Variants in DPP6 observed in about 807,000 individuals in gnomAD.
DPP6 encodes dipeptidyl peptidase like 6, also known as A-type potassium channel modulatory protein DPP6.
In DPP6, 69 loss-of-function variants were observed where a neutral mutation model predicts 122.6. That is an observed-to-expected ratio of 0.56 (90% CI 0.46 to 0.69). The LOEUF (loss-of-function observed/expected upper bound fraction) is 0.69, where lower values mean the gene tolerates loss of function less well. DPP6 is among the 30% of genes least tolerant of loss of function. The pLI is 0.00. For synonymous variants in DPP6, 418 were observed against 433.1 expected (o/e 0.97, Z 0.43); for missense variants, 928 against 1,116.9 (o/e 0.83, Z 2.41).
chr7:154,810,594 CATAGTTG>C (rs1389318133), intron 16 of DPP6, among the ~76,000 whole-genome samples: 1 of 152,130 alleles, frequency 6.6e-6, no homozygotes, highest in Non-Finnish European at 1.5e-5. Context: ...GAGATGACTC[CATAGTTG>C]ATACCTGGGA....
rs1305739086 is a variant in DPP6 at position 154,600,703 on chromosome 7, T to A, written c.627+33787T>A. On this transcript the variant is annotated intron_variant, in intron 5 of 25. Coordinates refer to ENST00000377770, the MANE Select transcript of DPP6 (RefSeq NM_130797.4). The stretch of plus-strand genomic sequence containing the variant: ...CTCAGATCTACTAATTTTCAAAGCT[T>A]GCACTTATTTTAAAGTAATGGCATA... Among the ~76,000 whole-genome samples, 5 of 121,930 alleles carry A rather than the reference T, an allele frequency of 4.1e-5. 1 individual carries two copies. Among genetic ancestry groups the A allele is most frequent in the African/African-American group, 1.3e-4 (5 of 38,288 alleles). 80.0% of individuals were successfully genotyped at this position (121,930 alleles called of 152,430 possible). A position where few individuals can be genotyped will look rare whatever the true frequency, so the allele number is the denominator to read the frequency against.
intron 1 of DPP6, among the ~76,000 whole-genome samples, chr7:153,931,569 G>GAA (rs11437921): frequency 2.0e-4 from 30 of 152,046 alleles, no homozygotes; most frequent in Middle Eastern, 3.4e-3. Flanking sequence ...TATTTCATGG[G>GAA]AAAAAAACTA....
intron 1 of DPP6, among the ~76,000 whole-genome samples, chr7:154,022,670 T>G (rs1026962517): frequency 6.6e-6 from 1 of 152,190 alleles, no homozygotes; most frequent in Non-Finnish European, 1.5e-5. Flanking sequence ...AGTGTGAAGT[T>G]GGGGTTGCAG....
intron 1 of DPP6, among the ~76,000 whole-genome samples, chr7:154,150,022 T>C (rs1796331007): frequency 6.6e-6 from 1 of 152,212 alleles, no homozygotes; most frequent in Non-Finnish European, 1.5e-5. Flanking sequence ...GCAGAACCAA[T>C]GTGGTTTCTT....
chr7:153,759,895 TTC>T, the DPP6 span, among the ~76,000 whole-genome samples: 2 of 151,020 alleles, frequency 1.3e-5, no homozygotes, highest in Non-Finnish European at 3.0e-5. Context: ...CTGCTTCCAC[TTC>T]TCTCTCTCTC....
rs1554486773 is a variant in DPP6, at chr7:154,852,474, G to GGTCTCCTGC, written c.1667-1306_1667-1305insGTCTCCTGC. Among the ~76,000 whole-genome samples the GGTCTCCTGC allele has an allele frequency of 8.5e-3, 1,177 of 139,128 alleles. 18 individuals are homozygous for GGTCTCCTGC. Among genetic ancestry groups the GGTCTCCTGC allele is most frequent in the African/African-American group, 0.032 (1,081 of 33,880 alleles). The allele number at this position is 139,128 out of a possible 152,430, so 91.3% of individuals were successfully genotyped here. A position where few individuals can be genotyped will look rare whatever the true frequency, so the allele number is the denominator to read the frequency against. ...TGAGCCAAAGGGACAGGCTCTCCTG[G>GGTCTCCTGC]CTCTCCTGCCTCTCCTGCCTCTCCT... On this transcript the variant is annotated intron_variant, in intron 16 of 25. Transcript: ENST00000377770.
intron 5 of DPP6, among the ~76,000 whole-genome samples, chr7:154,573,326 C>T (rs1407026045): frequency 1.3e-5 from 2 of 152,196 alleles, no homozygotes; most frequent in Non-Finnish European, 2.9e-5. Context: ...GCAGGGCCTG[C>T]GTGTGCCATT....
At chr7:154,008,653 CTTTTCTTTTTTT>C (rs1798017080) in intron 1 of DPP6, among the ~76,000 whole-genome samples, 2 of 140,648 alleles carry the variant, frequency 1.4e-5, no homozygotes, top group East Asian at 4.3e-4. Context: ...AATATTATTT[CTTTTCTTTTTTT>C]TTTTTTTTTT....
chr7:154,865,298 C>T (rs1010257287), intron 17 of DPP6: 1 of 152,328 alleles, frequency 6.6e-6, no homozygotes, highest in African/African-American at 2.4e-5. Context: ...TTGCACACCC[C>T]AAGTTCCTCA....
chr7:154,793,004 G>A (rs1484130883), intron 10 of DPP6, among the ~76,000 whole-genome samples: 1 of 152,202 alleles, frequency 6.6e-6, no homozygotes, highest in Non-Finnish European at 1.5e-5. Context: ...GGGAAATGGG[G>A]GAGATGTGGC....
upstream of DPP6, among the ~76,000 whole-genome samples, chr7:153,886,222 A>C (rs1181516541): frequency 6.6e-6 from 1 of 151,664 alleles, no homozygotes; most frequent in Admixed American, 6.6e-5. Context: ...TATGAATTTG[A>C]CCAACCTCTG....
Position 154,600,349 on chromosome 7 carries a change from G to A in DPP6, c.627+33433G>A, listed in dbSNP as rs1254419601. The stretch of plus-strand genomic sequence containing the variant: ...TCACCATGTTGGCCAGGCTGGTCTC[G>A]AACTCCTGACCTCAGGTGATCCACC... On this transcript the variant is annotated intron_variant, in intron 5 of 25. Transcript: ENST00000377770. Among the ~76,000 whole-genome samples, 3 of 118,642 alleles carry A rather than the reference G, an allele frequency of 2.5e-5. 1 individual carries two copies. The highest frequency in any genetic ancestry group is 5.4e-5 in the African/African-American group (2 of 37,212). 77.8% of individuals were successfully genotyped at this position (118,642 alleles called of 152,430 possible).
the DPP6 span, among the ~76,000 whole-genome samples, chr7:153,787,966 A>G: frequency 6.6e-6 from 1 of 151,850 alleles, no homozygotes; most frequent in Non-Finnish European, 1.5e-5. Context: ...TTATTCACAC[A>G]TTAATGGTTC....
chr7:153,805,844 G>T, the DPP6 span, among the ~76,000 whole-genome samples: 2 of 151,756 alleles, frequency 1.3e-5, no homozygotes, highest in Non-Finnish European at 2.9e-5. Context: ...ACACACTGGG[G>T]CCTGTCGTGG....
At chr7:154,011,386 A>G (rs1175822842) in intron 1 of DPP6, among the ~76,000 whole-genome samples, 4 of 152,184 alleles carry the variant, frequency 2.6e-5, no homozygotes, top group African/African-American at 7.2e-5. Flanking sequence ...AATGTTTTGC[A>G]CTAACACTCT....
intron 1 of DPP6, among the ~76,000 whole-genome samples, chr7:153,978,161 C>G (rs1391378655): frequency 6.6e-6 from 1 of 152,202 alleles, no homozygotes; most frequent in Non-Finnish European, 1.5e-5. Flanking sequence ...CTAATTTATA[C>G]TCCCACCAAC....
intron 6 of DPP6, among the ~76,000 whole-genome samples, chr7:154,654,445 G>A (rs973488909): frequency 1.6e-3 from 28 of 18,034 alleles, no homozygotes; most frequent in Admixed American, 6.8e-3. Context: ...TTGATACAGC[G>A]TCTCGCCCTA....
Position 154,621,046 on chromosome 7 carries a change from G to A in DPP6, c.628-16775G>A, listed in dbSNP as rs1468378667. Among the ~76,000 whole-genome samples, 3 of 152,162 alleles carry A rather than the reference G, an allele frequency of 2.0e-5. No individual in the cohort carries two copies. The East Asian group carries it at 5.8e-4, about 29-fold the overall frequency. On this transcript the variant is annotated intron_variant, in intron 5 of 25. Coordinates refer to ENST00000377770, the MANE Select transcript of DPP6 (RefSeq NM_130797.4). ...AAAGAAAACCTATTTTTAGAACTCA[G>A]AGCTGAAACCCTACCTCAATACTAC...
At position 154,320,481 on chromosome 7, in the gene DPP6, T is replaced by TG. The variant is rs199747415; in HGVS notation, c.244-125733_244-125732insG. On this transcript the variant is annotated intron_variant, in intron 1 of 25. Coordinates refer to ENST00000377770, the MANE Select transcript of DPP6 (RefSeq NM_130797.4). ...AAATAGCCAATTGTACTTTGTTTTT[T>TG]TTTTTGTTGTTGTTTTTCTTGAGAC... is the stretch of plus-strand genomic sequence containing the variant. Among the ~76,000 whole-genome samples the TG allele has an allele frequency of 3.0e-3, 279 of 91,814 alleles. 6 individuals carry two copies. The East Asian group carries it at 0.071, about 23-fold the overall frequency. The allele number at this position is 91,814 out of a possible 152,430, so 60.2% of individuals were successfully genotyped here.
Sources: gnomAD v4.1 joint callset for allele counts (sites outside exome capture counted in the v4.1 genomes callset) on GRCh38, gnomAD v4.1.1 for gene constraint, MANE v1.5 for transcripts, NCBI Gene and HGNC (gene_info 2026-07-23, HGNC 2026-07-21) for gene names.